The following PTPRD variants were observed in gnomAD, a reference collection of about 807,000 sequenced individuals.
The protein encoded by PTPRD is receptor-type tyrosine-protein phosphatase delta.
PTPRD carries 34 observed loss-of-function variants against 214.5 expected under a neutral mutation model. The observed-to-expected ratio is 0.16, with a 90% confidence interval of 0.12 to 0.21. The LOEUF (loss-of-function observed/expected upper bound fraction) is 0.21. PTPRD is among the 10% of genes least tolerant of loss of function. PTPRD has a pLI of 1.00. For synonymous variants in PTPRD, 1,128 were observed against 845.7 expected (o/e 1.33, Z -5.79); for missense variants, 2,545 against 2,398.7 (o/e 1.06, Z -1.27).
intron 11 of PTPRD, among the ~76,000 whole-genome samples, chr9:8,776,976 T>C (rs1403569807): frequency 1.3e-5 from 2 of 148,940 alleles, no homozygotes; most frequent in African/African-American, 4.9e-5. Flanking sequence ...TCTATTCATA[T>C]ATATATACAT....
intron 2 of PTPRD, among the ~76,000 whole-genome samples, chr9:10,354,769 T>C (rs936335715): frequency 9.9e-5 from 15 of 152,136 alleles, no homozygotes; most frequent in African/African-American, 3.4e-4. Flanking sequence ...CTTCATGTCA[T>C]TTTTTACTGT....
intron 16 of PTPRD, 45 bp downstream of exon 16, chr9:8,527,300 T>G: frequency 6.3e-7 from 1 of 1,580,608 alleles, no homozygotes. Flanking sequence ...ATTCTGGATA[T>G]GGAAATTAGT....
rs1272247329 is a variant in PTPRD at position 10,612,374 on chromosome 9, AAGACAG to A, written c.-600+18_-600+23del. On this transcript the variant is annotated intron_variant, in intron 2 of 45. Coordinates refer to ENST00000381196, the MANE Select transcript of PTPRD (RefSeq NM_002839.4). ...CATATGCTTCACTTTAGAGAAAAGAAAGACAGAAGCACAGTTTACTTACTAAAGCAG... is the reference window on the plus strand; with the variant it reads ...CATATGCTTCACTTTAGAGAAAAGAAAAGCACAGTTTACTTACTAAAGCAG... 2 of 151,020 alleles carry A rather than the reference AAGACAG, an allele frequency of 1.3e-5. No individual in the cohort carries two copies. The highest frequency in any genetic ancestry group is 1.3e-4 in the Admixed American group (2 of 15,212). 9.4% of individuals were successfully genotyped at this position (151,020 alleles called of 1,614,324 possible).
chr9:8,896,195 C>T lies in PTPRD; in HGVS notation c.-104+122502G>A, dbSNP rs757268738. 3.3e-4 allele frequency among the ~76,000 whole-genome samples: 50 copies of T among 152,098 alleles called. 1 individual carries two copies. Among genetic ancestry groups the T allele is most frequent in the Admixed American group, 6.6e-4 (10 of 15,258 alleles). ...TTTTAAACATGCAGACTATATTGCA[C>T]GGAGAAAGCCTGCTCACATAAATAT... On this transcript the variant is annotated intron_variant, in intron 11 of 45. Transcript: ENST00000381196.
intron 9 of PTPRD, among the ~76,000 whole-genome samples, chr9:9,267,902 C>G (rs969480565): frequency 6.6e-6 from 1 of 151,054 alleles, no homozygotes; most frequent in African/African-American, 2.4e-5. Flanking sequence ...CTGTATTTGA[C>G]CAGCCCATAG....
At chr9:9,916,851 T>A (rs1368766836) in intron 5 of PTPRD, among the ~76,000 whole-genome samples, 1 of 152,010 alleles carries the variant, frequency 6.6e-6, no homozygotes, top group African/African-American at 2.4e-5. Context: ...AAATATTTTT[T>A]AATCAAAATC....
intron 11 of PTPRD, among the ~76,000 whole-genome samples, chr9:8,825,819 C>A (rs564431093): frequency 2.0e-5 from 3 of 151,926 alleles, no homozygotes; most frequent in Non-Finnish European, 2.9e-5. Flanking sequence ...TTCCGACATT[C>A]CCATGGCATT....
chr9:9,758,607 G>A (rs918656153), intron 6 of PTPRD, among the ~76,000 whole-genome samples: 18 of 152,244 alleles, frequency 1.2e-4, no homozygotes, highest in African/African-American at 3.6e-4. Flanking sequence ...CACTTGCCAA[G>A]GAGAGTTACA....
At chr9:9,235,010 C>T (rs2099965662) in intron 9 of PTPRD, among the ~76,000 whole-genome samples, 1 of 152,152 alleles carries the variant, frequency 6.6e-6, no homozygotes, top group South Asian at 2.1e-4. Flanking sequence ...TTTTCAAATG[C>T]TATGAAGAAA....
intron 39 of PTPRD, among the ~76,000 whole-genome samples, chr9:8,363,938 A>G (rs1193157948): frequency 6.6e-6 from 1 of 152,236 alleles, no homozygotes; most frequent in East Asian, 1.9e-4. Flanking sequence ...TGTAACAAGA[A>G]ATTCTCTCGG....
At chr9:9,773,134 A>T (rs1020328046) in intron 5 of PTPRD, among the ~76,000 whole-genome samples, 4 of 152,316 alleles carry the variant, frequency 2.6e-5, no homozygotes, top group African/African-American at 9.6e-5. Context: ...ATAAGTGTAT[A>T]AAAAGATCTC....
chr9:9,820,958 C>T (rs2050499355), intron 5 of PTPRD, among the ~76,000 whole-genome samples: 1 of 151,960 alleles, frequency 6.6e-6, no homozygotes, highest in Admixed American at 6.6e-5. Context: ...ATTGCTTTGG[C>T]TATTTTTTGG....
intron 3 of PTPRD, among the ~76,000 whole-genome samples, chr9:10,128,279 G>C (rs1364892487): frequency 6.6e-6 from 1 of 152,122 alleles, no homozygotes; most frequent in Non-Finnish European, 1.5e-5. Context: ...TTGGAAATAA[G>C]ATTATTGCAG....
At chr9:8,719,998 G>A (rs1231346602) in intron 12 of PTPRD, among the ~76,000 whole-genome samples, 1 of 152,152 alleles carries the variant, frequency 6.6e-6, no homozygotes, top group African/African-American at 2.4e-5. Context: ...ATCACCATGT[G>A]TTTCAGCTAT....
chr9:10,354,638 A>C (rs2097241423), intron 2 of PTPRD, among the ~76,000 whole-genome samples: 1 of 152,196 alleles, frequency 6.6e-6, no homozygotes, highest in African/African-American at 2.4e-5. Context: ...AGTTTGTATT[A>C]AGAACTTGTT....
chr9:9,019,119 G>A (rs1039520541), intron 10 of PTPRD, among the ~76,000 whole-genome samples: 98 of 152,140 alleles, frequency 6.4e-4, no homozygotes, highest in African/African-American at 2.2e-3. Context: ...ACAAAAGGGA[G>A]TATTTCTTGT....
At position 8,615,203 on chromosome 9, in the gene PTPRD, C is replaced by T. The variant is rs1459015698; in HGVS notation, c.352+18114G>A. ...TTCAAAGGCTATATTATTCTCTCCT[C>T]AATACACATGTGTAACTCCCATTAG... On this transcript the variant is annotated intron_variant, in intron 14 of 45. Transcript: ENST00000381196. Among the ~76,000 whole-genome samples the T allele has an allele frequency of 3.9e-5, 6 of 152,006 alleles. No individual in the cohort carries two copies. The East Asian group carries it at 1.2e-3, about 29-fold the overall frequency.
intron 31 of PTPRD, among the ~76,000 whole-genome samples, chr9:8,467,205 C>T (rs190118580): frequency 1.3e-4 from 20 of 151,672 alleles, no homozygotes; most frequent in African/African-American, 3.6e-4. Context: ...TTAGGAAAAC[C>T]ACGGTAGATT....
intron 14 of PTPRD, among the ~76,000 whole-genome samples, chr9:8,605,063 T>C (rs2095122752): frequency 6.6e-6 from 1 of 152,196 alleles, no homozygotes; most frequent in Non-Finnish European, 1.5e-5. Context: ...GAATCACTCT[T>C]GGTAACCTCT....
Sources: gnomAD v4.1 joint callset for allele counts (sites outside exome capture counted in the v4.1 genomes callset) on GRCh38, gnomAD v4.1.1 for gene constraint, MANE v1.5 for transcripts, NCBI Gene and HGNC (gene_info 2026-07-23, HGNC 2026-07-21) for gene names.